Variants in DEFB4B observed in about 807,000 individuals in gnomAD.
The protein encoded by DEFB4B is beta-defensin 4B.
chr8:7,416,487 T>C (rs1260380287), intron 1 of DEFB4B, among the ~76,000 whole-genome samples: 1 of 151,556 alleles, frequency 6.6e-6, no homozygotes, highest in Admixed American at 6.6e-5. Context: ...AAGCAATGCT[T>C]GGTTCAATTA....
At chr8:7,415,709 C>CCCTCCTTCCCTCCCTCCCTCCT (rs1563323213) in intron 1 of DEFB4B, among the ~76,000 whole-genome samples, 1 of 123,690 alleles carries the variant, frequency 8.1e-6, no homozygotes, top group African/African-American at 3.2e-5. Flanking sequence ...CCCTCCCTCC[C>CCCTCCTTCCCTCCCTCCCTCCT]TCCCTCCCTC....
intron 1 of DEFB4B, among the ~76,000 whole-genome samples, chr8:7,416,227 A>G (rs1165249210): frequency 6.6e-6 from 1 of 151,632 alleles, no homozygotes; most frequent in East Asian, 1.9e-4. Context: ...GGAATTCTCT[A>G]GGTTGCAGTA....
chr8:7,415,725 T>TCCCTCCCTCCG (rs1808817707), intron 1 of DEFB4B, among the ~76,000 whole-genome samples: 1 of 38,268 alleles, frequency 2.6e-5, no homozygotes, highest in East Asian at 8.1e-4. Context: ...CCCTCCCTCC[T>TCCCTCCCTCCG]TCCCTCCCTC....
intron 1 of DEFB4B, among the ~76,000 whole-genome samples, chr8:7,415,488 C>T (rs1808798140): frequency 1.3e-5 from 2 of 151,274 alleles, no homozygotes; most frequent in Admixed American, 1.3e-4. Context: ...AGCCAGTAAA[C>T]TTTTGCTTTT....
chr8:7,415,750 C>CGTCTCCCT (rs1808820857), intron 1 of DEFB4B, among the ~76,000 whole-genome samples: 1 of 129,596 alleles, frequency 7.7e-6, no homozygotes, highest in East Asian at 2.3e-4. Flanking sequence ...CCCACCTGCC[C>CGTCTCCCT]GCCTCCCTGC....
At chr8:7,415,332 C>G (rs1808788265) in intron 1 of DEFB4B, among the ~76,000 whole-genome samples, 2 of 150,808 alleles carry the variant, frequency 1.3e-5, no homozygotes, top group Admixed American at 6.7e-5. Context: ...TTTGTAGAAC[C>G]TGATTGTGAA....
At chr8:7,415,596 C>A (rs867604197) in intron 1 of DEFB4B, among the ~76,000 whole-genome samples, 1 of 151,374 alleles carries the variant, frequency 6.6e-6, no homozygotes, top group East Asian at 1.9e-4. Context: ...AAGTAACTTA[C>A]AGTTGAAAAC....
chr8:7,415,709 C>CCCCTCCT (rs1563323213), intron 1 of DEFB4B, among the ~76,000 whole-genome samples: 1 of 123,688 alleles, frequency 8.1e-6, no homozygotes, highest in African/African-American at 3.2e-5. Context: ...CCCTCCCTCC[C>CCCCTCCT]TCCCTCCCTC....
intron 1 of DEFB4B, among the ~76,000 whole-genome samples, chr8:7,416,374 G>T (rs527619904): frequency 0.049 from 7,126 of 146,368 alleles, 6 homozygotes; most frequent in Non-Finnish European, 0.078. Context: ...AGCATGGAAA[G>T]CAGTGAAGAG....
At chr8:7,416,670 GGATGAGGGAGA>G (rs1808885240) in intron 1 of DEFB4B, 89 bp downstream of exon 1, 1 of 384,544 alleles carries the variant, frequency 2.6e-6, no homozygotes, top group African/African-American at 2.3e-5. Flanking sequence ...GGAGAGAGAG[GGATGAGGGAGA>G]GATAGGTGGA....
At chr8:7,416,283 C>T (rs1808854391) in intron 1 of DEFB4B, among the ~76,000 whole-genome samples, 1 of 151,698 alleles carries the variant, frequency 6.6e-6, no homozygotes, top group African/African-American at 2.4e-5. Flanking sequence ...TTCTATACTA[C>T]TTTCTTTAGA....
chr8:7,415,772 C>CCTGCCTCA, intron 1 of DEFB4B, among the ~76,000 whole-genome samples: 1 of 145,842 alleles, frequency 6.9e-6, no homozygotes, highest in African/African-American at 2.6e-5. Context: ...TCCCTGCCTC[C>CCTGCCTCA]CTGCCTCCCC....
At chr8:7,415,689 A>ATCCCTCCGTCCC (rs1808809972) in intron 1 of DEFB4B, among the ~76,000 whole-genome samples, 2 of 67,366 alleles carry the variant, frequency 3.0e-5, no homozygotes, top group African/African-American at 1.1e-4. Context: ...TTCTTTTTTT[A>ATCCCTCCGTCCC]TCCCTCCCTC....
chr8:7,415,528 T>C (rs2737532), intron 1 of DEFB4B, among the ~76,000 whole-genome samples: 29,830 of 141,572 alleles, frequency 0.21, 776 homozygotes, highest in African/African-American at 0.28. Context: ...AAGTATTTGA[T>C]CTGAGATGGG....
At chr8:7,416,595 AGAG>A (rs1316860508) in intron 1 of DEFB4B, among the ~76,000 whole-genome samples, 172 bp downstream of exon 1, 2 of 147,718 alleles carry the variant, frequency 1.4e-5, no homozygotes, top group Non-Finnish European at 3.0e-5. Flanking sequence ...ACAGAAAAAA[AGAG>A]AGAGAGGGAA....
intron 1 of DEFB4B, among the ~76,000 whole-genome samples, chr8:7,415,641 T>G (rs1415526561): frequency 6.6e-6 from 1 of 150,682 alleles, no homozygotes; most frequent in African/African-American, 2.5e-5. Flanking sequence ...TTGTAATGGC[T>G]TGTTTCTAAT....
At chr8:7,415,656 A>C (rs1355175172) in intron 1 of DEFB4B, among the ~76,000 whole-genome samples, 1 of 147,812 alleles carries the variant, frequency 6.8e-6, no homozygotes, top group African/African-American at 2.5e-5. Context: ...TCTAATATCT[A>C]AGTCCTGGTT....
intron 1 of DEFB4B, among the ~76,000 whole-genome samples, chr8:7,415,692 C>T (rs1219498848): frequency 1.7e-5 from 1 of 59,236 alleles, no homozygotes. Flanking sequence ...TTTTTTTATC[C>T]CTCCCTCCCT....
chr8:7,416,113 C>T (rs1808842633), intron 1 of DEFB4B, among the ~76,000 whole-genome samples: 1 of 149,940 alleles, frequency 6.7e-6, no homozygotes, highest in African/African-American at 2.5e-5. Flanking sequence ...CTGCAGTGGC[C>T]TAGTGGCAGG....
Sources: gnomAD v4.1 joint callset for allele counts (sites outside exome capture counted in the v4.1 genomes callset) on GRCh38, gnomAD v4.1.1 for gene constraint, MANE v1.5 for transcripts, NCBI Gene and HGNC (gene_info 2026-07-23, HGNC 2026-07-21) for gene names.